Variants in CIZ1 observed in about 807,000 individuals in gnomAD.
CIZ1 encodes the protein CDKN1A interacting zinc finger protein 1.
Under a neutral mutation model 118.6 loss-of-function variants are expected in CIZ1, and 58 were observed. The ratio of observed to expected loss-of-function variants is 0.49; its 90% CI spans 0.40 to 0.61. CIZ1 has a LOEUF of 0.61. Among genes scored for constraint, CIZ1 ranks in the 20% least tolerant of loss-of-function variants. The pLI is 0.00. For synonymous variants in CIZ1, 448 were observed against 443.4 expected, an observed-to-expected ratio of 1.01 and a Z score of -0.13; for missense variants, 921 against 1,115.9, an observed-to-expected ratio of 0.83 and a Z score of 2.49.
chr9:128,178,395 C>A lies in CIZ1; in HGVS notation c.1594G>T (p.Glu532Ter), dbSNP rs763568377. Residue 532 changes from glutamate (E) to a stop codon, truncating the protein, a stop_gained, in exon 9 of 17, where the codon GAA (glutamate) becomes TAA (stop). Coordinates refer to ENST00000372938, the MANE Select transcript of CIZ1 (RefSeq NM_001131016.2). LOFTEE classifies it high-confidence loss of function. ...CCTGGCATCTCTCTCGCTCTGTTTT[C>A]ACATTCTCCCACATCTAGGCCACAG... ...SACGLDVGECENRAREMPGVW... is the reference protein window; with the variant it reads ...SACGLDVGEC 2.5e-6 allele frequency: 4 copies of A among 1,613,768 alleles called. No homozygotes were observed. The highest frequency in any genetic ancestry group is 1.7e-6 in the Non-Finnish European group (2 of 1,179,928).
At chr9:128,169,642 G>C (rs2130906027) in intron 12 of CIZ1, 123 bp from the exon 13 acceptor site, 1 of 1,545,790 alleles carries the variant, frequency 6.5e-7, no homozygotes, top group Non-Finnish European at 8.7e-7. Context: ...AACAAGCCGG[G>C]CTGTGCTCCA....
At chr9:128,200,843 A>ATAAG (rs1833495569) in intron 1 of CIZ1, among the ~76,000 whole-genome samples, 1 of 149,556 alleles carries the variant, frequency 6.7e-6, no homozygotes, top group South Asian at 2.1e-4. Context: ...TCTCAAATAA[A>ATAAG]TAAATAAATA....
At position 128,187,952 on chromosome 9, in the gene CIZ1, G is replaced by A. The variant is rs756331302; in HGVS notation, c.287-18C>T. On this transcript the variant is annotated intron_variant, in intron 3 of 16. Coordinates refer to ENST00000372938, the MANE Select transcript of CIZ1 (RefSeq NM_001131016.2). The stretch of plus-strand genomic sequence containing the variant: ...GTCCAGTCCTTTAGGAAAGCAATTC[G>A]GCAATACTTATCAAGAGCCATAAAA... The A allele has an allele frequency of 3.3e-5, 23 of 706,402 alleles. No homozygotes were observed. The highest frequency in any genetic ancestry group is 4.5e-5 in the Non-Finnish European group (17 of 378,632). 43.8% of individuals were successfully genotyped at this position (706,402 alleles called of 1,614,324 possible). A position where few individuals can be genotyped will look rare whatever the true frequency, so the allele number is the denominator to read the frequency against.
rs1474449530 is a variant in CIZ1, at chr9:128,203,422, G to C, written c.-6+764C>G. 5.7e-6 allele frequency: 8 copies of C among 1,400,736 alleles called. No individual in the cohort carries two copies. The South Asian group carries it at 7.3e-5, about 13-fold the overall frequency. The allele number at this position is 1,400,736 out of a possible 1,614,324, so 86.8% of individuals were successfully genotyped here. On this transcript the variant is annotated intron_variant, in intron 1 of 17. Coordinates refer to the CIZ1 transcript ENST00000372948. The surrounding 1 kb of genome is among the most constrained non-coding windows in gnomAD (Gnocchi z 5.3). Reference sequence around the variant, plus strand: ...CAGCGGCGGAGCCGGAGTCGGAGCCGGGAGCGCTAGCGGCAGCCGGATCGC... The same window carrying C: ...CAGCGGCGGAGCCGGAGTCGGAGCCCGGAGCGCTAGCGGCAGCCGGATCGC...
chr9:128,192,991 G>A (rs944868467), upstream of CIZ1, among the ~76,000 whole-genome samples: 1 of 152,226 alleles, frequency 6.6e-6, no homozygotes. Context: ...CAGGCGGAGC[G>A]CGTTGACGGA....
chr9:128,177,528 G>GCC, intron 10 of CIZ1, 38 bp downstream of exon 10: 4 of 1,164,646 alleles, frequency 3.4e-6, no homozygotes, highest in East Asian at 5.7e-5. Context: ...TTCCACGCAG[G>GCC]CCCCACCCCT....
chr9:128,174,429 C>T (rs1219804819), intron 11 of CIZ1, among the ~76,000 whole-genome samples: 5 of 152,162 alleles, frequency 3.3e-5, no homozygotes, highest in Non-Finnish European at 7.4e-5. Context: ...AGAGATGGAG[C>T]CTCTCTAAGA....
chr9:128,191,562 G>A lies in CIZ1; in HGVS notation c.-136C>T. 6.4e-6 allele frequency: 7 copies of A among 1,092,542 alleles called. No individual in the cohort carries two copies. The highest frequency in any genetic ancestry group is 7.8e-6 in the Non-Finnish European group (7 of 898,928). The allele number at this position is 1,092,542 out of a possible 1,614,324, so 67.7% of individuals were successfully genotyped here. ...TCCCCGCTGCTACTCCGGGGCCTGTGGGCTCGTAAGGCCCAAATGCGGGCG... is the reference window on the plus strand; with the variant it reads ...TCCCCGCTGCTACTCCGGGGCCTGTAGGCTCGTAAGGCCCAAATGCGGGCG... On this transcript the variant is annotated 5_prime_UTR_variant, in exon 1 of 17. Coordinates refer to ENST00000372938, the MANE Select transcript of CIZ1 (RefSeq NM_001131016.2). The surrounding 1 kb of genome is among the most constrained non-coding windows in gnomAD (Gnocchi z 5.5).
intron 11 of CIZ1, among the ~76,000 whole-genome samples, chr9:128,172,559 ACAAGTTTT>A (rs1830280455): frequency 6.6e-6 from 1 of 152,188 alleles, no homozygotes; most frequent in South Asian, 2.1e-4. Context: ...ATGCAAATAC[ACAAGTTTT>A]CATAAATTTT....
At chr9:128,195,297 A>G (rs954014689), upstream of CIZ1, among the ~76,000 whole-genome samples, 14 of 152,108 alleles carry the variant, frequency 9.2e-5, no homozygotes, top group African/African-American at 3.4e-4. Flanking sequence ...ATGCATGCAC[A>G]TTACCATCCC....
In CIZ1 at chr9:128,179,323, G is replaced by A; in HGVS notation, c.884C>T (p.Thr295Ile). ...ARMTVPKQTQTPDLLPEALEA... is the reference protein window; with the variant it reads ...ARMTVPKQTQIPDLLPEALEA... Reference sequence around the variant, plus strand: ...CAGGGCCTCAGGCAGCAGGTCTGGTGTCTGTGTCTGTTTCGGTACTGTCAT... The same window carrying A: ...CAGGGCCTCAGGCAGCAGGTCTGGTATCTGTGTCTGTTTCGGTACTGTCAT... Residue 295 changes from threonine to isoleucine, a missense_variant, in exon 8 of 17, where the codon ACA becomes ATA. Thr to Ile is a moderately conservative substitution (Grantham distance 89). Transcript: ENST00000372938. 1.2e-6 allele frequency: 2 copies of A among 1,614,148 alleles called. No individual in the cohort carries two copies. The highest frequency in any genetic ancestry group is 2.2e-5 in the East Asian group (1 of 44,882).
rs1019968091 is a variant in CIZ1 at position 128,203,063 on chromosome 9, G to C, written c.-6+1123C>G. Reference sequence around the variant, plus strand: ...CTGAGGTCAGGAGGCTGTGACCTCAGAGGAAGCCCATCTGCTCTCCAGGCC... The same window carrying C: ...CTGAGGTCAGGAGGCTGTGACCTCACAGGAAGCCCATCTGCTCTCCAGGCC... On this transcript the variant is annotated intron_variant, in intron 1 of 17. Coordinates refer to the CIZ1 transcript ENST00000372948. The surrounding 1 kb of genome is among the most constrained non-coding windows in gnomAD (Gnocchi z 5.3). The C allele has an allele frequency of 6.6e-6, 1 of 152,238 alleles. No individual in the cohort carries two copies. The highest frequency in any genetic ancestry group is 2.4e-5 in the African/African-American group (1 of 41,442). The allele number at this position is 152,238 out of a possible 1,614,324, so 9.4% of individuals were successfully genotyped here.
chr9:128,178,862 G>A lies in CIZ1; in HGVS notation c.1345C>T (p.Pro449Ser). 6.2e-7 allele frequency: 1 copy of A among 1,614,266 alleles called. No individual in the cohort carries two copies. Among genetic ancestry groups the A allele is most frequent in the South Asian group, 1.1e-5 (1 of 91,090 alleles). The change falls in exon 8 of 17, where the codon CCT becomes TCT. Residue 449 changes from proline (P) to serine (S), a missense_variant. Transcript: ENST00000372938. ...GGCTGTACTGACACCTGCGCTGGAG[G>A]ATGCTCCTGTGGCTGGACGCTTGGC... ...AQPSVQPQEH[P>S]PAQVSVQPPE...
At chr9:128,193,209 G>T (rs1367178083), upstream of CIZ1, among the ~76,000 whole-genome samples, 1 of 152,214 alleles carries the variant, frequency 6.6e-6, no homozygotes, top group Admixed American at 6.5e-5. Context: ...AGGGCCCCGG[G>T]GACGTCGGCG....
At chr9:128,195,922 G>A (rs1256644206), upstream of CIZ1, among the ~76,000 whole-genome samples, 1 of 152,236 alleles carries the variant, frequency 6.6e-6, no homozygotes, top group East Asian at 1.9e-4. Context: ...CTGGAGTGCA[G>A]TGGTGCAATC....
In CIZ1 at chr9:128,166,281, G is replaced by A. The variant is rs775040434; in HGVS notation, c.2613C>T (p.Asn871=). The change falls in exon 17 of 17, where the codon AAC becomes AAT. Residue 871 remains asparagine (N), a synonymous_variant. Coordinates refer to ENST00000372938, the MANE Select transcript of CIZ1 (RefSeq NM_001131016.2). This position sits in a 1 kb window ranked among gnomAD's most constrained non-coding sequence, Gnocchi z 4.4. Reference sequence around the variant, plus strand: ...CCTTGCTGGGTGTTTTGTCCTGGGTGTTGGGCTGGGAGGGTGGGCGGCCGC... The same window carrying A: ...CCTTGCTGGGTGTTTTGTCCTGGGTATTGGGCTGGGAGGGTGGGCGGCCGC... The part of the protein sequence containing the change: ...TSSGRPPSQP[N]TQDKTPSKVT... 1.4e-6 allele frequency: 2 copies of A among 1,460,972 alleles called. No individual in the cohort carries two copies. The highest frequency in any genetic ancestry group is 5.1e-5 in the East Asian group (2 of 39,376). The allele number at this position is 1,460,972 out of a possible 1,614,324, so 90.5% of individuals were successfully genotyped here.
intron 3 of CIZ1, 60 bp downstream of exon 3, chr9:128,190,269 A>ATGC: frequency 8.4e-7 from 1 of 1,195,778 alleles, no homozygotes; most frequent in South Asian, 1.3e-5. Context: ...ATTTAGAGCA[A>ATGC]TGCGCTGCTA....
At position 128,203,539 on chromosome 9, in the gene CIZ1, C is replaced by A; in HGVS notation, c.-6+647G>T. On this transcript the variant is annotated intron_variant, in intron 1 of 17. Transcript: ENST00000372948. The surrounding 1 kb of genome is among the most constrained non-coding windows in gnomAD (Gnocchi z 5.3). ...GGCTGCAAGACGCCTTCTCTGCCAT[C>A]GGCCAGAACGCGGACCTCGACCTGC... The A allele has an allele frequency of 6.5e-7, 1 of 1,546,270 alleles. No individual in the cohort carries two copies. The highest frequency in any genetic ancestry group is 2.7e-5 in the East Asian group (1 of 37,054).
chr9:128,167,267 T>G, intron 14 of CIZ1, 103 bp from the exon 15 acceptor site: 2 of 831,340 alleles, frequency 2.4e-6, no homozygotes, highest in Non-Finnish European at 3.7e-6. Context: ...ACACACAGAA[T>G]CCCCTTGATT....
Sources: allele counts gnomAD v4.1 joint callset (sites outside exome capture counted in the v4.1 genomes callset), GRCh38; gene constraint gnomAD v4.1.1; non-coding constraint Gnocchi (gnomAD v3.1); transcripts MANE v1.5; gene names NCBI Gene and HGNC (gene_info 2026-07-23, HGNC 2026-07-21).